Variants in IGF2BP2 observed in about 807,000 individuals in gnomAD.
The protein encoded by IGF2BP2 is insulin like growth factor 2 mRNA binding protein 2, also known as insulin-like growth factor 2 mRNA-binding protein 2.
Under a neutral mutation model 75.8 loss-of-function variants are expected in IGF2BP2, and 17 were observed. The ratio of observed to expected loss-of-function variants is 0.22; its 90% CI spans 0.15 to 0.34. The LOEUF is 0.34. Ranked by LOEUF, IGF2BP2 falls within the 10% of genes least tolerant of loss-of-function variation. The pLI is 1.00. For missense variants in IGF2BP2, 516 were observed against 772.4 expected (o/e 0.67, Z 3.93); for synonymous variants, 288 against 295.6 (o/e 0.97, Z 0.26).
chr3:185,680,605 G>A (rs934809519), intron 7 of IGF2BP2, among the ~76,000 whole-genome samples: 2 of 152,162 alleles, frequency 1.3e-5, no homozygotes, highest in Admixed American at 6.5e-5. Context: ...TATAAGCCAC[G>A]ACCAAGTGGG....
Position 185,709,400 on chromosome 3 carries a change from G to C in IGF2BP2, c.240-11053C>G, listed in dbSNP as rs1182052509. On this transcript the variant is annotated intron_variant, in intron 2 of 15. Coordinates refer to ENST00000382199, the MANE Select transcript of IGF2BP2 (RefSeq NM_006548.6). ...GTGTCTGGAGCACAGCATGTGCGCAGCAATCAGCAAGCTCCCCAGGGGCAC... is the reference window on the plus strand; with the variant it reads ...GTGTCTGGAGCACAGCATGTGCGCACCAATCAGCAAGCTCCCCAGGGGCAC... Among the ~76,000 whole-genome samples, 5 of 152,294 alleles carry C rather than the reference G, an allele frequency of 3.3e-5. No individual in the cohort carries two copies. In the East Asian group the frequency reaches 9.7e-4, roughly 29 times the overall value.
chr3:185,722,211 G>A (rs1048183061), intron 2 of IGF2BP2: 3 of 455,446 alleles, frequency 6.6e-6, no homozygotes, highest in Admixed American at 2.4e-5. Context: ...TGGGACTACA[G>A]GCACATGCCA....
At chr3:185,820,229 T>C (rs1238898682) in intron 2 of IGF2BP2, among the ~76,000 whole-genome samples, 2 of 133,916 alleles carry the variant, frequency 1.5e-5, no homozygotes, top group South Asian at 2.4e-4. Flanking sequence ...TGTGTATATA[T>C]ACACATACAC....
chr3:185,739,352 T>C (rs1378826015), intron 2 of IGF2BP2, among the ~76,000 whole-genome samples: 1 of 152,214 alleles, frequency 6.6e-6, no homozygotes, highest in Non-Finnish European at 1.5e-5. Flanking sequence ...AAGGGGCCTC[T>C]TTATAAACTG....
intron 7 of IGF2BP2, among the ~76,000 whole-genome samples, chr3:185,685,159 G>T (rs1720939607): frequency 6.6e-6 from 1 of 152,016 alleles, no homozygotes; most frequent in Admixed American, 6.5e-5. Context: ...ACCAGCCTGG[G>T]CAACGTGGTT....
chr3:185,680,310 C>G (rs978910410), intron 7 of IGF2BP2, among the ~76,000 whole-genome samples: 1 of 152,084 alleles, frequency 6.6e-6, no homozygotes, highest in Admixed American at 6.6e-5. Flanking sequence ...AATCAGTAAT[C>G]AAAAACCTCC....
intron 2 of IGF2BP2, among the ~76,000 whole-genome samples, chr3:185,718,324 G>A (rs1167431061): frequency 2.0e-5 from 3 of 152,200 alleles, no homozygotes; most frequent in African/African-American, 7.2e-5. Context: ...GGCAGATAGT[G>A]AAGCTGAGAA....
chr3:185,812,207 C>T (rs928634050), intron 2 of IGF2BP2, among the ~76,000 whole-genome samples: 1 of 152,076 alleles, frequency 6.6e-6, no homozygotes, highest in Non-Finnish European at 1.5e-5. Context: ...GGCTGCTCTG[C>T]CTCAAGAAGG....
rs189323430 is a variant in IGF2BP2, at chr3:185,795,110, G to A, written c.239+28043C>T. Reference sequence around the variant, plus strand: ...GACGAGGTTTCACCATGTTAGCCAGGATGGTCTCGATCTCCTGACCTCGTG... The same window carrying A: ...GACGAGGTTTCACCATGTTAGCCAGAATGGTCTCGATCTCCTGACCTCGTG... On this transcript the variant is annotated intron_variant, in intron 2 of 15. Coordinates refer to ENST00000382199, the MANE Select transcript of IGF2BP2 (RefSeq NM_006548.6). 9.2e-3 allele frequency among the ~76,000 whole-genome samples: 1,399 copies of A among 152,096 alleles called. 9 individuals carry two copies. Among genetic ancestry groups the A allele is most frequent in the Middle Eastern group, 0.041 (12 of 294 alleles).
intron 2 of IGF2BP2, among the ~76,000 whole-genome samples, chr3:185,756,141 C>T (rs1199470318): frequency 6.6e-6 from 1 of 152,128 alleles, no homozygotes; most frequent in Non-Finnish European, 1.5e-5. Flanking sequence ...AGAGTGAGTT[C>T]TCATATGGTT....
At chr3:185,771,439 CAA>C (rs1409378378) in intron 2 of IGF2BP2, among the ~76,000 whole-genome samples, 22 of 78,266 alleles carry the variant, frequency 2.8e-4, no homozygotes, top group Admixed American at 4.3e-4. Flanking sequence ...GACTTCGTCT[CAA>C]AAAAAAAAAA....
chr3:185,677,998 C>T (rs1055617495), intron 7 of IGF2BP2, among the ~76,000 whole-genome samples: 2 of 152,114 alleles, frequency 1.3e-5, no homozygotes, highest in East Asian at 3.9e-4. Flanking sequence ...TAATGGGAAT[C>T]CCAGAAAGAG....
chr3:185,671,619 T>C (rs1425942362), intron 10 of IGF2BP2, among the ~76,000 whole-genome samples: 1 of 152,086 alleles, frequency 6.6e-6, no homozygotes, highest in Non-Finnish European at 1.5e-5. Flanking sequence ...TGCATATATG[T>C]GACTCAGCAT....
intron 2 of IGF2BP2, among the ~76,000 whole-genome samples, chr3:185,698,553 G>A (rs958421017): frequency 6.6e-6 from 1 of 152,152 alleles, no homozygotes; most frequent in Non-Finnish European, 1.5e-5. Context: ...GCCAAGGCTG[G>A]AGTATAGGTG....
intron 2 of IGF2BP2, among the ~76,000 whole-genome samples, chr3:185,780,284 A>G (rs1481332592): frequency 2.6e-5 from 4 of 152,186 alleles, no homozygotes; most frequent in East Asian, 3.8e-4. Context: ...AGGATTAGGG[A>G]TGGGAGGTTA....
At chr3:185,676,497 T>C (rs1719374499) in intron 7 of IGF2BP2, among the ~76,000 whole-genome samples, 2 of 151,994 alleles carry the variant, frequency 1.3e-5, no homozygotes, top group Non-Finnish European at 2.9e-5. Flanking sequence ...GGCAACATAC[T>C]GAAACACTGT....
At chr3:185,700,006 G>A (rs948677349) in intron 2 of IGF2BP2, among the ~76,000 whole-genome samples, 5 of 152,086 alleles carry the variant, frequency 3.3e-5, no homozygotes, top group Admixed American at 1.3e-4. Flanking sequence ...TGTTAGAGAC[G>A]TTGTTTTAAT....
chr3:185,660,550 A>T (rs1198865178), intron 10 of IGF2BP2, among the ~76,000 whole-genome samples: 1 of 152,134 alleles, frequency 6.6e-6, no homozygotes. Flanking sequence ...TCCACTTAAC[A>T]CGGCTGTAGT....
chr3:185,756,338 C>T (rs1731614510), intron 2 of IGF2BP2, among the ~76,000 whole-genome samples: 2 of 152,240 alleles, frequency 1.3e-5, no homozygotes, highest in South Asian at 4.2e-4. Flanking sequence ...AACCGTGAGC[C>T]AATTAAACCT....
Sources: allele counts gnomAD v4.1 joint callset (sites outside exome capture counted in the v4.1 genomes callset), GRCh38; gene constraint gnomAD v4.1.1; transcripts MANE v1.5; gene names NCBI Gene and HGNC (gene_info 2026-07-23, HGNC 2026-07-21).